DHX40: variants seen among roughly 807,000 people sequenced by gnomAD.
DHX40 encodes DEAH-box helicase 40.
DHX40 carries 28 observed loss-of-function variants against 89.6 expected under a neutral mutation model. The ratio of observed to expected loss-of-function variants is 0.31; its 90% CI spans 0.23 to 0.43. DHX40 has a LOEUF of 0.43. Among genes scored for constraint, DHX40 ranks in the 20% least tolerant of loss-of-function variants. DHX40 has a pLI of 1.00. For synonymous variants in DHX40, 226 were observed against 283.6 expected (o/e 0.80, Z 2.04); for missense variants, 457 against 844.0 (o/e 0.54, Z 5.68).
rs374149009 is a variant in DHX40 at position 59,573,078 on chromosome 17, A to G, written c.427-38A>G. ...TGAGGAAAAATTTAGTTGGGAAAAT[A>G]GTGGTGAATTCCTGTGACACTGCTG... On this transcript the variant is annotated intron_variant, in intron 3 of 17. Transcript: ENST00000251241. The G allele has an allele frequency of 1.1e-4, 176 of 1,581,738 alleles. No individual in the cohort carries two copies. In the African/African-American group the frequency reaches 2.0e-3, roughly 18 times the overall value.
At chr17:59,573,059 A>G (rs1427249829) in intron 3 of DHX40, 57 bp from the exon 4 acceptor site, 1 of 1,561,178 alleles carries the variant, frequency 6.4e-7, no homozygotes, top group African/African-American at 1.4e-5. Context: ...CTCTTGAGGA[A>G]AAATTTAGTT....
rs2030915147 is a variant in DHX40 at position 59,607,120 on chromosome 17, G to C, written c.2288G>C (p.Arg763Thr). 6.2e-7 allele frequency: 1 copy of C among 1,614,194 alleles called. No individual in the cohort carries two copies. The highest frequency in any genetic ancestry group is 8.5e-7 in the Non-Finnish European group (1 of 1,180,032). ...GATGCACGGGCTCGTTTCCTTGAGA[G>C]AAAGCAGCAGAGGACCCAGGACCAC... ...ISDARARFLERKQQRTQDHSD... is the reference protein window; with the variant it reads ...ISDARARFLETKQQRTQDHSD... The change falls in exon 18 of 18, where the codon AGA becomes ACA. Residue 763 changes from arginine (R) to threonine (T), a missense_variant. Transcript: ENST00000251241.
chr17:59,577,263 C>T lies in DHX40; in HGVS notation c.974-3C>T, dbSNP rs2697407. On this transcript the variant is annotated splice_region_variant and splice_polypyrimidine_tract_variant and intron_variant, in intron 7 of 17. Coordinates refer to ENST00000251241, the MANE Select transcript of DHX40 (RefSeq NM_024612.5). Reference sequence around the variant, plus strand: ...TGGTATTTTCTTTTTATATATACTTCAGATCAACAGAGGAGGATATTTTTG... The same window carrying T: ...TGGTATTTTCTTTTTATATATACTTTAGATCAACAGAGGAGGATATTTTTG... 3.1e-4 allele frequency: 498 copies of T among 1,610,622 alleles called. 1 individual carries two copies. Among genetic ancestry groups the T allele is most frequent in the Middle Eastern group, 2.8e-3 (17 of 6,046 alleles).
At chr17:59,604,987 T>C (rs1347107262) in intron 15 of DHX40, 128 bp from the exon 16 acceptor site, 1 of 756,686 alleles carries the variant, frequency 1.3e-6, no homozygotes, top group Non-Finnish European at 2.2e-6. Flanking sequence ...GTTGAATAAA[T>C]GTAAACCTCT....
intron 8 of DHX40, 94 bp downstream of exon 8, chr17:59,577,459 C>A (rs980294550): frequency 6.6e-5 from 59 of 893,356 alleles, no homozygotes; most frequent in Non-Finnish European, 9.2e-5. Flanking sequence ...GTGCCCTCCA[C>A]TAATTCCCTT....
rs777091351 is a variant in DHX40, at chr17:59,579,430, C to T, written c.1074-42C>T. The T allele has an allele frequency of 7.1e-6, 9 of 1,262,336 alleles. 1 individual carries two copies. The highest frequency in any genetic ancestry group is 9.0e-6 in the Non-Finnish European group (9 of 994,518). 78.2% of individuals were successfully genotyped at this position (1,262,336 alleles called of 1,614,324 possible). A position where few individuals can be genotyped will look rare whatever the true frequency, so the allele number is the denominator to read the frequency against. On this transcript the variant is annotated intron_variant, in intron 8 of 17. Transcript: ENST00000251241. ...AAGTGGTTAACAATTAACAAGTCTT[C>T]TTTTATTTTCCAGAAACTTAACTTG...
chr17:59,607,314 C>G lies in DHX40; in HGVS notation c.*142C>G. 6.5e-7 allele frequency: 1 copy of G among 1,534,134 alleles called. No individual in the cohort carries two copies. The highest frequency in any genetic ancestry group is 8.9e-7 in the Non-Finnish European group (1 of 1,126,272). On this transcript the variant is annotated 3_prime_UTR_variant, in exon 18 of 18. Coordinates refer to ENST00000251241, the MANE Select transcript of DHX40 (RefSeq NM_024612.5). ...TATGAACTAAAAGCAAATCAAAGCT[C>G]ATAAATCAAAGCTCATCAGTTCCCA...
At position 59,573,766 on chromosome 17, in the gene DHX40, G is replaced by A; in HGVS notation, c.573G>A (p.Lys191=). ...TTDILFGLLK[K]LFQEKSPNRK... The stretch of plus-strand genomic sequence containing the variant: ...ATATCTTATTTGGTTTATTGAAGAA[G>A]CTATTTCAGGAGAAGTCTCCTAATA... Residue 191 remains lysine, a synonymous_variant, in exon 5 of 18, where the codon AAG becomes AAA. Coordinates refer to ENST00000251241, the MANE Select transcript of DHX40 (RefSeq NM_024612.5). 21 of 1,613,998 alleles carry A rather than the reference G, an allele frequency of 1.3e-5. No individual in the cohort carries two copies. The highest frequency in any genetic ancestry group is 1.8e-5 in the Non-Finnish European group (21 of 1,179,946).
chr17:59,569,155 C>T (rs1478501867), intron 2 of DHX40, among the ~76,000 whole-genome samples: 1 of 151,964 alleles, frequency 6.6e-6, no homozygotes, highest in Admixed American at 6.6e-5. Flanking sequence ...ATGGTGAAAC[C>T]CCATCTCTAC....
At chr17:59,569,362 A>C (rs199981920) in intron 2 of DHX40, among the ~76,000 whole-genome samples, 14 of 122,260 alleles carry the variant, frequency 1.1e-4, no homozygotes, top group Non-Finnish European at 2.1e-4. Context: ...ATAAATAAAT[A>C]AATAAATCCA....
chr17:59,589,678 C>A (rs2143299177), intron 12 of DHX40, among the ~76,000 whole-genome samples: 1 of 135,548 alleles, frequency 7.4e-6, no homozygotes, highest in South Asian at 2.6e-4. Flanking sequence ...TGAGGGTTTA[C>A]CGTGCCTTAG....
chr17:59,594,502 T>C (rs976697753), intron 12 of DHX40, among the ~76,000 whole-genome samples: 1 of 151,622 alleles, frequency 6.6e-6, no homozygotes, highest in Non-Finnish European at 1.5e-5. Context: ...TAGCAGAAGC[T>C]TGGGGTTGGG....
chr17:59,573,071 G>A (rs752217346), intron 3 of DHX40, 45 bp from the exon 4 acceptor site: 2 of 1,574,412 alleles, frequency 1.3e-6, no homozygotes, highest in Admixed American at 3.8e-5. Context: ...AATTTAGTTG[G>A]GAAAATAGTG....
intron 2 of DHX40, among the ~76,000 whole-genome samples, chr17:59,570,100 A>AT (rs1567857905): frequency 6.2e-4 from 80 of 128,220 alleles, no homozygotes; most frequent in Non-Finnish European, 1.1e-3. Context: ...TATATAGTAT[A>AT]TATTATAATA....
At chr17:59,591,533 T>G (rs2049082436) in intron 12 of DHX40, among the ~76,000 whole-genome samples, 1 of 151,024 alleles carries the variant, frequency 6.6e-6, no homozygotes, top group Non-Finnish European at 1.5e-5. Flanking sequence ...AAGAAAAATG[T>G]TTTTTCCATG....
intron 17 of DHX40, 196 bp downstream of exon 17, chr17:59,605,870 C>G (rs965504434): frequency 3.1e-6 from 2 of 645,846 alleles, no homozygotes; most frequent in African/African-American, 3.6e-5. Context: ...GAGGCTGATG[C>G]AGGAGGATCG....
intron 3 of DHX40, among the ~76,000 whole-genome samples, chr17:59,572,689 A>G (rs767797074): frequency 8.5e-5 from 13 of 152,172 alleles, no homozygotes; most frequent in Non-Finnish European, 1.8e-4. Flanking sequence ...TAAGTAACAC[A>G]TTTTTTAATA....
chr17:59,606,562 C>G (rs150562488), intron 17 of DHX40, among the ~76,000 whole-genome samples: 1 of 151,958 alleles, frequency 6.6e-6, no homozygotes, highest in East Asian at 1.9e-4. Context: ...CTGGCTAACA[C>G]GGTGAAACCC....
chr17:59,566,548 T>G, intron 1 of DHX40, 79 bp from the exon 2 acceptor site: 2 of 1,375,240 alleles, frequency 1.5e-6, no homozygotes, highest in South Asian at 2.9e-5. Flanking sequence ...TCTATTGCCT[T>G]TCTGGTTTTA....
Sources: gnomAD v4.1 joint callset for allele counts (sites outside exome capture counted in the v4.1 genomes callset) on GRCh38, gnomAD v4.1.1 for gene constraint, MANE v1.5 for transcripts, NCBI Gene and HGNC (gene_info 2026-07-23, HGNC 2026-07-21) for gene names.